CLEC16A: variants seen among roughly 807,000 people sequenced by gnomAD.
CLEC16A encodes the protein C-type lectin domain containing 16A, also known as protein CLEC16A.
A neutral mutation model predicts 109.5 loss-of-function variants in CLEC16A; 51 were observed. The ratio of observed to expected loss-of-function variants is 0.47; its 90% confidence interval spans 0.37 to 0.59. CLEC16A has a LOEUF of 0.59. Ranked by LOEUF, CLEC16A falls within the 20% of genes least tolerant of loss-of-function variation. The probability of loss-of-function intolerance (pLI) is 0.00; values close to 1 mark genes in which losing one functional copy is unlikely to be tolerated. For synonymous variants in CLEC16A, 673 were observed against 564.2 expected (o/e 1.19, Z -2.73); for missense variants, 1,339 against 1,394.0 (o/e 0.96, Z 0.63).
At position 10,977,218 on chromosome 16, in the gene CLEC16A, C is replaced by T. The variant is rs1163795994; in HGVS notation, c.729-7C>T. The T allele has an allele frequency of 2.5e-6, 4 of 1,612,432 alleles. No homozygotes were observed. The South Asian group carries it at 3.3e-5, about 13-fold the overall frequency. ...CTCCAGGCTGAGGTGGTCATTTCTC[C>T]TGGCAGGCATCGGAATCGGGGTAAA... On this transcript the variant is annotated splice_polypyrimidine_tract_variant and splice_region_variant and intron_variant, in intron 7 of 23. Coordinates refer to ENST00000409790, the MANE Select transcript of CLEC16A (RefSeq NM_015226.3).
rs776553109 is a variant in CLEC16A, at chr16:10,973,046, T to A, written c.713T>A (p.Val238Glu). 6.2e-7 allele frequency: 1 copy of A among 1,606,264 alleles called. No individual in the cohort carries two copies. The highest frequency in any genetic ancestry group is 1.3e-5 in the African/African-American group (1 of 74,666). ...CATGTGATCGAACTCGATGACTGCG[T>A]GCAGACTGATGAGGAGTAAGTGACA... The part of the protein sequence containing the change: ...GSHVIELDDC[V>E]QTDEEHRNRG... Residue 238 changes from valine to glutamate, a missense_variant, in exon 7 of 24, where the codon GTG becomes GAG. Val to Glu is a moderately radical substitution (Grantham distance 121). Coordinates refer to ENST00000409790, the MANE Select transcript of CLEC16A (RefSeq NM_015226.3).
At chr16:10,953,123 T>C (rs906418366) in intron 1 of CLEC16A, among the ~76,000 whole-genome samples, 14 of 152,256 alleles carry the variant, frequency 9.2e-5, no homozygotes, top group African/African-American at 2.9e-4. Context: ...AATTACTATA[T>C]GGCAAGATTT....
intron 22 of CLEC16A, among the ~76,000 whole-genome samples, chr16:11,163,522 G>C (rs923187616): frequency 1.1e-4 from 16 of 152,104 alleles, no homozygotes; most frequent in African/African-American, 3.4e-4. Context: ...AGTACATGCA[G>C]ATTTTACTGC....
intron 19 of CLEC16A, among the ~76,000 whole-genome samples, chr16:11,063,718 T>C (rs1040402631): frequency 6.6e-6 from 1 of 152,130 alleles, no homozygotes; most frequent in African/African-American, 2.4e-5. Context: ...ACAGCCGAGC[T>C]CCGGCTGTCA....
chr16:10,974,504 G>A (rs947152132), intron 7 of CLEC16A, among the ~76,000 whole-genome samples: 3 of 152,086 alleles, frequency 2.0e-5, no homozygotes, highest in Admixed American at 1.3e-4. Context: ...TAGCAACATC[G>A]CCAGCCTCTC....
At chr16:11,121,984 C>A (rs2052453166) in intron 20 of CLEC16A, among the ~76,000 whole-genome samples, 1 of 152,012 alleles carries the variant, frequency 6.6e-6, no homozygotes, top group Admixed American at 6.6e-5. Flanking sequence ...TGAAAGCAGC[C>A]TCCCAGGTCG....
intron 19 of CLEC16A, among the ~76,000 whole-genome samples, chr16:11,071,349 G>C (rs946817406): frequency 6.6e-6 from 1 of 152,038 alleles, no homozygotes; most frequent in African/African-American, 2.4e-5. Flanking sequence ...TCCAGAATAC[G>C]GAACATTCTA....
At chr16:11,122,315 A>C (rs537746556) in intron 20 of CLEC16A, among the ~76,000 whole-genome samples, 1 of 152,354 alleles carries the variant, frequency 6.6e-6, no homozygotes, top group South Asian at 2.1e-4. Context: ...ATTTAAAAGA[A>C]ACACTCCATG....
chr16:11,122,477 AC>A (rs908651655), intron 20 of CLEC16A, among the ~76,000 whole-genome samples: 1 of 150,770 alleles, frequency 6.6e-6, no homozygotes, highest in Non-Finnish European at 1.5e-5. Flanking sequence ...AGCCACATAA[AC>A]CTTTTTTTTT....
chr16:11,157,077 G>A (rs753817667), intron 22 of CLEC16A: 4 of 1,303,976 alleles, frequency 3.1e-6, no homozygotes, highest in African/African-American at 3.0e-5. Flanking sequence ...TTTTCTGCAG[G>A]TTTTCAAGGA....
At chr16:11,170,528 G>A (rs1251177477) in intron 23 of CLEC16A, among the ~76,000 whole-genome samples, 2 of 152,192 alleles carry the variant, frequency 1.3e-5, no homozygotes, top group African/African-American at 4.8e-5. Context: ...ACCTCAGCCT[G>A]GCTCCCAGGA....
At position 10,997,014 on chromosome 16, in the gene CLEC16A, T is replaced by C. The variant is rs138045654; in HGVS notation, c.1072-6060T>C. On this transcript the variant is annotated intron_variant, in intron 10 of 23. Coordinates refer to ENST00000409790, the MANE Select transcript of CLEC16A (RefSeq NM_015226.3). ...TCTTGCTGTGTCACCCAGGCTGGAGTGCAGTGGCACGACCACAGCTCACTG... is the reference window on the plus strand; with the variant it reads ...TCTTGCTGTGTCACCCAGGCTGGAGCGCAGTGGCACGACCACAGCTCACTG... 4.5e-3 allele frequency among the ~76,000 whole-genome samples: 684 copies of C among 152,340 alleles called. 5 individuals are homozygous for C. Among genetic ancestry groups the C allele is most frequent in the Middle Eastern group, 0.031 (9 of 294 alleles).
chr16:11,042,798 TAGAA>T (rs1431832179), intron 15 of CLEC16A, among the ~76,000 whole-genome samples: 1 of 151,716 alleles, frequency 6.6e-6, no homozygotes, highest in African/African-American at 2.4e-5. Context: ...ATTTAGGAAG[TAGAA>T]AGGTAAAAGT....
At chr16:11,161,900 G>A (rs1405305519) in intron 22 of CLEC16A, among the ~76,000 whole-genome samples, 1 of 152,200 alleles carries the variant, frequency 6.6e-6, no homozygotes, top group Non-Finnish European at 1.5e-5. Context: ...CTAGGCGGCT[G>A]CTGGCCGGCT....
rs531780554 is a variant in CLEC16A at position 11,156,697 on chromosome 16, A to G, written c.2642-9691A>G. ...ATTTACAGACGGTAATACCAGTGGA[A>G]GAGGGCAGGGGCTGGGCGAGGCAGG... is the stretch of plus-strand genomic sequence containing the variant. On this transcript the variant is annotated intron_variant, in intron 22 of 23. Transcript: ENST00000409790. The G allele has an allele frequency of 2.5e-4, 327 of 1,296,866 alleles. No homozygotes were observed. In the Admixed American group the frequency reaches 7.1e-3, roughly 28 times the overall value. 80.3% of individuals were successfully genotyped at this position (1,296,866 alleles called of 1,614,324 possible).
intron 22 of CLEC16A, among the ~76,000 whole-genome samples, chr16:11,149,363 G>A (rs1486450549): frequency 6.6e-6 from 1 of 152,128 alleles, no homozygotes; most frequent in African/African-American, 2.4e-5. Flanking sequence ...AGAAGCTACA[G>A]GAAGAAGAAA....
At chr16:11,101,192 T>C (rs2050894019) in intron 19 of CLEC16A, among the ~76,000 whole-genome samples, 1 of 152,230 alleles carries the variant, frequency 6.6e-6, no homozygotes, top group Non-Finnish European at 1.5e-5. Flanking sequence ...TACATTTCAC[T>C]GAATAATGAT....
chr16:11,062,670 G>C (rs1184951915), intron 19 of CLEC16A, among the ~76,000 whole-genome samples: 1 of 152,140 alleles, frequency 6.6e-6, no homozygotes, highest in African/African-American at 2.4e-5. Context: ...CTGGTTGTCT[G>C]GTTTCTTTTT....
intron 22 of CLEC16A, among the ~76,000 whole-genome samples, chr16:11,157,771 C>T (rs2054587965): frequency 1.3e-5 from 2 of 152,230 alleles, no homozygotes; most frequent in South Asian, 4.1e-4. Flanking sequence ...CAGCCCCCAA[C>T]ACGTGCTCTT....
Sources: allele counts gnomAD v4.1 joint callset (sites outside exome capture counted in the v4.1 genomes callset), GRCh38; gene constraint gnomAD v4.1.1; transcripts MANE v1.5; gene names NCBI Gene and HGNC (gene_info 2026-07-23, HGNC 2026-07-21).